SLCO2A1: variants seen among roughly 807,000 people sequenced by gnomAD.
SLCO2A1 encodes matrin F/G 1.
SLCO2A1 carries 60 observed loss-of-function variants against 71.7 expected under a neutral mutation model. The observed-to-expected ratio is 0.84, with a 90% CI of 0.68 to 1.04. The LOEUF is 1.04. Among genes scored for constraint, SLCO2A1 ranks in the 50% least tolerant of loss-of-function variants. The pLI is 0.00. For synonymous variants in SLCO2A1, 308 were observed against 326.7 expected (o/e 0.94, Z 0.62); for missense variants, 745 against 813.4 (o/e 0.92, Z 1.02).
At chr3:133,977,039 C>T (rs1434164525) in intron 2 of SLCO2A1, among the ~76,000 whole-genome samples, 2 of 152,160 alleles carry the variant, frequency 1.3e-5, no homozygotes, top group African/African-American at 2.4e-5. Context: ...CTCCACCACC[C>T]GGGCAGCCTC....
rs1934535478 is a variant in SLCO2A1 at position 133,979,515 on chromosome 3, C to T, written c.200G>A (p.Ser67Asn). The T allele has an allele frequency of 1.2e-6, 2 of 1,614,088 alleles. No homozygotes were observed. Among genetic ancestry groups the T allele is most frequent in the South Asian group, 1.1e-5 (1 of 91,088 alleles). Reference sequence around the variant, plus strand: ...GCTGGAAATGAGACCCGATGAAGAACTGGAGAGCCCAAAGCGCTTCTCAAT... The same window carrying T: ...GCTGGAAATGAGACCCGATGAAGAATTGGAGAGCCCAAAGCGCTTCTCAAT... ...TTIEKRFGLS[S>N]SSSGLISSLN... The change falls in exon 2 of 14, where the codon AGT (serine) becomes AAT (asparagine). Residue 67 changes from serine to asparagine, a missense_variant. Coordinates refer to ENST00000310926, the MANE Select transcript of SLCO2A1 (RefSeq NM_005630.3).
Position 133,977,449 on chromosome 3 carries a change from C to T in SLCO2A1, c.234+2032G>A, listed in dbSNP as rs532783431. ...GCCCATTGAGGAATCCAGTTGTTTCCGGGCCCACATTTTTGTTCCAAGCAT... is the reference window on the plus strand; with the variant it reads ...GCCCATTGAGGAATCCAGTTGTTTCTGGGCCCACATTTTTGTTCCAAGCAT... On this transcript the variant is annotated intron_variant, in intron 2 of 13. Transcript: ENST00000310926. 1.6e-4 allele frequency among the ~76,000 whole-genome samples: 24 copies of T among 152,252 alleles called. No homozygotes were observed. In the South Asian group the frequency reaches 2.7e-3, roughly 17 times the overall value.
chr3:134,011,178 G>A (rs1935334803), intron 1 of SLCO2A1, among the ~76,000 whole-genome samples: 1 of 152,158 alleles, frequency 6.6e-6, no homozygotes, highest in Admixed American at 6.5e-5. Flanking sequence ...AGCCTCCCAA[G>A]TAGCTGGGAT....
intron 11 of SLCO2A1, among the ~76,000 whole-genome samples, chr3:133,939,215 A>G (rs1055738270): frequency 1.3e-5 from 2 of 152,178 alleles, no homozygotes; most frequent in African/African-American, 2.4e-5. Flanking sequence ...GCCCCTAACC[A>G]TCTTCCTTCA....
At chr3:133,967,807 G>T (rs1934217475) in intron 3 of SLCO2A1, among the ~76,000 whole-genome samples, 1 of 135,112 alleles carries the variant, frequency 7.4e-6, no homozygotes, top group Non-Finnish European at 1.6e-5. Flanking sequence ...CCCTTCACAG[G>T]CACCCCACCC....
In SLCO2A1 at chr3:133,957,158, G is replaced by A. The variant is rs556482923; in HGVS notation, c.398-1965C>T. Among the ~76,000 whole-genome samples, 7 of 152,166 alleles carry A rather than the reference G, an allele frequency of 4.6e-5. No homozygotes were observed. The East Asian group carries it at 1.4e-3, about 29-fold the overall frequency. On this transcript the variant is annotated intron_variant, in intron 3 of 13. Transcript: ENST00000310926. ...CCATCCCCACCAACCACAACCCATC[G>A]CTGACGTCACCGATCTTGCTCACTT...
rs188129095 is a variant in SLCO2A1, at chr3:134,015,520, T to A, written c.96+14187A>T. ...TGGGAGGAATAGATTTTGAGATCTGTTGCATAGCAGAGTGACTATAGTCAA... is the reference window on the plus strand; with the variant it reads ...TGGGAGGAATAGATTTTGAGATCTGATGCATAGCAGAGTGACTATAGTCAA... On this transcript the variant is annotated intron_variant, in intron 1 of 13. Coordinates refer to ENST00000310926, the MANE Select transcript of SLCO2A1 (RefSeq NM_005630.3). 7.2e-4 allele frequency among the ~76,000 whole-genome samples: 110 copies of A among 152,286 alleles called. 1 individual carries two copies. The East Asian group carries it at 0.017, about 24-fold the overall frequency.
In SLCO2A1 at chr3:133,966,133, G is replaced by A. The variant is rs933086655; in HGVS notation, c.397+7530C>T. Among the ~76,000 whole-genome samples the A allele has an allele frequency of 3.3e-5, 5 of 152,250 alleles. No individual in the cohort carries two copies. In the South Asian group the frequency reaches 8.3e-4, roughly 25 times the overall value. ...TGGCAAACCACAACCCGTGGGCTGC[G>A]TTCAGTTCCCAGCCTGTATCTATCA... On this transcript the variant is annotated intron_variant, in intron 3 of 13. Transcript: ENST00000310926.
intron 1 of SLCO2A1, among the ~76,000 whole-genome samples, chr3:133,987,472 A>G (rs1934743255): frequency 6.6e-6 from 1 of 152,024 alleles, no homozygotes; most frequent in Non-Finnish European, 1.5e-5. Context: ...AATGTCAATC[A>G]GAAAATTTTA....
chr3:133,939,734 C>T (rs1487542563), intron 11 of SLCO2A1, among the ~76,000 whole-genome samples: 2 of 152,184 alleles, frequency 1.3e-5, no homozygotes, highest in Non-Finnish European at 2.9e-5. Context: ...TGGGCAGACT[C>T]CCCTAGATTC....
intron 6 of SLCO2A1, among the ~76,000 whole-genome samples, chr3:133,949,664 T>C (rs1576429983): frequency 6.6e-6 from 1 of 152,160 alleles, no homozygotes; most frequent in East Asian, 1.9e-4. Context: ...ACTGAGTGCT[T>C]ACTCCCTGCT....
intron 1 of SLCO2A1, among the ~76,000 whole-genome samples, chr3:133,985,712 T>C (rs1934699169): frequency 6.6e-6 from 1 of 152,234 alleles, no homozygotes; most frequent in Non-Finnish European, 1.5e-5. Flanking sequence ...CCACAGTGCA[T>C]GAAATGATGC....
chr3:133,975,001 T>C (rs544495417), intron 2 of SLCO2A1, among the ~76,000 whole-genome samples: 1 of 152,304 alleles, frequency 6.6e-6, no homozygotes, highest in African/African-American at 2.4e-5. Flanking sequence ...CCATTTCTTT[T>C]TTCCTGAAAC....
chr3:134,017,254 C>T (rs1935473409), intron 1 of SLCO2A1, among the ~76,000 whole-genome samples: 1 of 152,226 alleles, frequency 6.6e-6, no homozygotes, highest in Non-Finnish European at 1.5e-5. Flanking sequence ...CTGGCAGAAA[C>T]TAGGTGAAGG....
At position 133,985,287 on chromosome 3, in the gene SLCO2A1, G is replaced by A. The variant is rs1183551720; in HGVS notation, c.97-5669C>T. Among the ~76,000 whole-genome samples the A allele has an allele frequency of 5.3e-5, 8 of 152,174 alleles. No individual in the cohort carries two copies. The South Asian group carries it at 1.2e-3, about 24-fold the overall frequency. On this transcript the variant is annotated intron_variant, in intron 1 of 13. Transcript: ENST00000310926. Reference sequence around the variant, plus strand: ...TTGCATATTAAAGGTTCTGAGTTCCGTAGTAAAGACTTAGTTAAGTTGTTT... The same window carrying A: ...TTGCATATTAAAGGTTCTGAGTTCCATAGTAAAGACTTAGTTAAGTTGTTT...
intron 3 of SLCO2A1, among the ~76,000 whole-genome samples, chr3:133,962,300 G>A (rs35843040): frequency 0.11 from 16,843 of 152,096 alleles, 1,274 homozygotes; most frequent in Non-Finnish European, 0.16. Context: ...GGCTGGTCTC[G>A]AACTCCTGAC....
In SLCO2A1 at chr3:133,951,208, C is replaced by T. The variant is rs755733098; in HGVS notation, c.861G>A (p.Lys287=). The T allele has an allele frequency of 6.2e-7, 1 of 1,614,080 alleles. No homozygotes were observed. Among genetic ancestry groups the T allele is most frequent in the Admixed American group, 1.7e-5 (1 of 60,016 alleles). ...GAGTCATGGGCTCTTGGAACCTTAC[C>T]TTTGCTCCTATGGGCATTGCTCGAG... ...FFPRAMPIGA[K]RAPATADEAR... is the part of the protein sequence containing the mutation. The change falls in exon 6 of 14, where the codon AAG becomes AAA. Residue 287 remains lysine (K), a splice_region_variant and synonymous_variant. Transcript: ENST00000310926.
Position 134,029,865 on chromosome 3 carries a change from CCGGG to C in SLCO2A1, c.-67_-64del. ...GTCGGGGCGCCTCGGGCTGGAGCGG[CCGGG>C]CGGGTGAGAGGCGACCGCGGCGGCA... On this transcript the variant is annotated 5_prime_UTR_variant, in exon 1 of 14. Transcript: ENST00000310926. 2 of 1,060,468 alleles carry C rather than the reference CCGGG, an allele frequency of 1.9e-6. No homozygotes were observed. The highest frequency in any genetic ancestry group is 2.5e-6 in the Non-Finnish European group (2 of 815,214). The allele number at this position is 1,060,468 out of a possible 1,614,324, so 65.7% of individuals were successfully genotyped here. A position where few individuals can be genotyped will look rare whatever the true frequency, so the allele number is the denominator to read the frequency against.
At chr3:133,951,075 C>T (rs1933732055) in intron 6 of SLCO2A1, 133 bp downstream of exon 6, 1 of 1,216,428 alleles carries the variant, frequency 8.2e-7, no homozygotes, top group Non-Finnish European at 1.2e-6. Context: ...GGAAGTCCTG[C>T]ATCATGAAAT....
Sources: allele counts gnomAD v4.1 joint callset (sites outside exome capture counted in the v4.1 genomes callset), GRCh38; gene constraint gnomAD v4.1.1; transcripts MANE v1.5; gene names NCBI Gene and HGNC (gene_info 2026-07-23, HGNC 2026-07-21).